Variants in GALNT11 observed in about 807,000 individuals in gnomAD.
GALNT11 encodes polypeptide N-acetylgalactosaminyltransferase 11.
In GALNT11, 47 loss-of-function variants were observed where a neutral mutation model predicts 72.7. That is an observed-to-expected ratio of 0.65 (90% confidence interval 0.51 to 0.82). GALNT11 has a LOEUF of 0.82. Among genes scored for constraint, GALNT11 ranks in the 40% least tolerant of loss-of-function variants. The pLI, the probability that GALNT11 is intolerant of heterozygous loss-of-function variation, is 0.00. For missense variants in GALNT11, 677 were observed against 778.4 expected (o/e 0.87, Z 1.55); for synonymous variants, 270 against 286.6 (o/e 0.94, Z 0.58).
intron 1 of GALNT11, among the ~76,000 whole-genome samples, chr7:152,054,490 AT>A (rs1337845278): frequency 8.6e-6 from 1 of 116,086 alleles, no homozygotes; most frequent in South Asian, 2.6e-4. Flanking sequence ...GTTTTAATGA[AT>A]TTTTTTCTTG....
At chr7:152,111,628 G>GTGTATATATATA (rs553453480) in intron 7 of GALNT11, among the ~76,000 whole-genome samples, 19 of 144,864 alleles carry the variant, frequency 1.3e-4, no homozygotes, top group African/African-American at 5.0e-4. Context: ...GTGTGTGTGT[G>GTGTATATATATA]TATATATATA....
chr7:152,099,845 A>G (rs2086698809), intron 2 of GALNT11, among the ~76,000 whole-genome samples: 1 of 148,560 alleles, frequency 6.7e-6, no homozygotes, highest in African/African-American at 2.5e-5. Context: ...GCTCACTGCA[A>G]CCTTGATGTC....
At chr7:152,099,947 A>ATTTTTTT (rs768708954) in intron 2 of GALNT11, among the ~76,000 whole-genome samples, 2 of 114,474 alleles carry the variant, frequency 1.7e-5, no homozygotes, top group East Asian at 2.6e-4. Context: ...CACCTGGCTA[A>ATTTTTTT]TTTTTTTTTT....
intron 10 of GALNT11, chr7:152,120,145 C>T (rs2089289806): frequency 6.6e-6 from 1 of 152,182 alleles, no homozygotes; most frequent in Non-Finnish European, 1.5e-5. Flanking sequence ...CTGCATGTGG[C>T]CAGTAGCTCC....
In GALNT11 at chr7:152,103,243, A is replaced by G. The variant is rs761999865; in HGVS notation, c.551A>G (p.His184Arg). The change falls in exon 4 of 12, where the codon CAT becomes CGT. Residue 184 changes from histidine (H) to arginine (R), a missense_variant. His to Arg is a conservative substitution (Grantham distance 29, BLOSUM62 0). Transcript: ENST00000430044. ...VIDRTPAHLL[H>R]EIILVDDDSD... ...GACCGCACGCCAGCACACCTGCTTC[A>G]TGAGATCATCCTTGTGGATGATGAT... 3 of 1,613,668 alleles carry G rather than the reference A, an allele frequency of 1.9e-6. No individual in the cohort carries two copies. The highest frequency in any genetic ancestry group is 1.7e-5 in the Admixed American group (1 of 59,996).
At chr7:152,042,750 C>T (rs1408962065) in intron 1 of GALNT11, among the ~76,000 whole-genome samples, 1 of 152,148 alleles carries the variant, frequency 6.6e-6, no homozygotes, top group African/African-American at 2.4e-5. Flanking sequence ...TGTAATAAAT[C>T]CCTTCCCCAT....
intron 1 of GALNT11, among the ~76,000 whole-genome samples, chr7:152,032,188 T>C (rs977719468): frequency 2.0e-5 from 3 of 152,114 alleles, no homozygotes; most frequent in African/African-American, 7.2e-5. Context: ...TGCCTGGACT[T>C]GAGAAGTGGC....
chr7:152,090,148 A>G (rs1307787634), intron 1 of GALNT11, among the ~76,000 whole-genome samples: 2 of 152,196 alleles, frequency 1.3e-5, no homozygotes, highest in Non-Finnish European at 2.9e-5. Context: ...TGGAAACCAC[A>G]TTTCTCCTAA....
chr7:152,092,804 T>C (rs1013463572), intron 1 of GALNT11, among the ~76,000 whole-genome samples: 1 of 152,250 alleles, frequency 6.6e-6, no homozygotes, highest in Non-Finnish European at 1.5e-5. Flanking sequence ...AGTTTTCTTA[T>C]GTATCTACAT....
chr7:152,028,821 G>A (rs1439268132), intron 1 of GALNT11, among the ~76,000 whole-genome samples: 2 of 152,222 alleles, frequency 1.3e-5, no homozygotes, highest in African/African-American at 2.4e-5. Context: ...GCCAGTGAAA[G>A]GGCCAGCAGG....
intron 1 of GALNT11, among the ~76,000 whole-genome samples, chr7:152,034,816 C>T (rs760552583): frequency 1.3e-5 from 2 of 152,080 alleles, no homozygotes. Context: ...CGAGGAAGGT[C>T]GGATTTAGTG....
At position 152,055,518 on chromosome 7, in the gene GALNT11, AGCGTGTGT is replaced by A. The variant is rs1371278945; in HGVS notation, c.-39+29636_-39+29643del. Among the ~76,000 whole-genome samples the A allele has an allele frequency of 3.6e-5, 4 of 110,454 alleles. No individual in the cohort carries two copies. The East Asian group carries it at 1.0e-3, about 28-fold the overall frequency. 72.5% of individuals were successfully genotyped at this position (110,454 alleles called of 152,430 possible). A position where few individuals can be genotyped will look rare whatever the true frequency, so the allele number is the denominator to read the frequency against. On this transcript the variant is annotated intron_variant, in intron 1 of 11. Coordinates refer to ENST00000430044, the MANE Select transcript of GALNT11 (RefSeq NM_022087.4). The stretch of plus-strand genomic sequence containing the variant: ...GTTACGAGGTATTTGGTATATATAA[AGCGTGTGT>A]GTGTGTGTGTGTGTGTGTGTGTGTG...
intron 1 of GALNT11, among the ~76,000 whole-genome samples, chr7:152,027,441 G>A (rs1237787818): frequency 6.6e-6 from 1 of 152,100 alleles, no homozygotes; most frequent in Non-Finnish European, 1.5e-5. Context: ...CCCCGATGAC[G>A]CACCAACAAC....
intron 1 of GALNT11, among the ~76,000 whole-genome samples, chr7:152,093,573 C>T (rs765438275): frequency 2.0e-5 from 3 of 151,834 alleles, no homozygotes; most frequent in Non-Finnish European, 4.4e-5. Context: ...TTATTATAGG[C>T]GCCCACCACA....
chr7:152,061,016 A>G (rs1323819882), intron 1 of GALNT11, among the ~76,000 whole-genome samples: 1 of 152,152 alleles, frequency 6.6e-6, no homozygotes, highest in East Asian at 1.9e-4. Context: ...GTCAAATGGT[A>G]TTTCTAGTTC....
intron 10 of GALNT11, chr7:152,120,243 T>C (rs1342637136): frequency 1.3e-5 from 2 of 152,582 alleles, no homozygotes; most frequent in African/African-American, 4.8e-5. Context: ...GTCTTCATAT[T>C]AGTGAACACT....
chr7:152,099,102 T>G (rs1340384050), intron 2 of GALNT11, among the ~76,000 whole-genome samples: 1 of 150,660 alleles, frequency 6.6e-6, no homozygotes, highest in Non-Finnish European at 1.5e-5. Flanking sequence ...CCACCATGCC[T>G]GGCTTATTTT....
rs2088074262 is a variant in GALNT11, at chr7:152,110,594, T to C, written c.1029T>C (p.Tyr343=). 1 of 1,612,824 alleles carries C rather than the reference T, an allele frequency of 6.2e-7. No individual in the cohort carries two copies. The highest frequency in any genetic ancestry group is 1.1e-5 in the South Asian group (1 of 90,436). ...NRQYFHELGQ[Y]DSGMDIWGGE... ...AGTATTTCCATGAACTTGGACAGTA[T>C]GATAGTGGCATGGATATCTGGGGAG... The change falls in exon 7 of 12, where the codon TAT becomes TAC. Residue 343 remains tyrosine (Y), a synonymous_variant. Transcript: ENST00000430044.
At chr7:152,116,673 T>A (rs1411037085) in intron 8 of GALNT11, among the ~76,000 whole-genome samples, 5 of 152,222 alleles carry the variant, frequency 3.3e-5, no homozygotes, top group Non-Finnish European at 5.9e-5. Flanking sequence ...GTTGTAATTT[T>A]AAAAATACAT....
Sources: gnomAD v4.1 joint callset for allele counts (sites outside exome capture counted in the v4.1 genomes callset) on GRCh38, gnomAD v4.1.1 for gene constraint, MANE v1.5 for transcripts, NCBI Gene and HGNC (gene_info 2026-07-23, HGNC 2026-07-21) for gene names.